Variants in CDH3 observed in about 807,000 individuals in gnomAD.
The protein encoded by CDH3 is cadherin 3, also known as cadherin-3.
Under a neutral mutation model 82.0 loss-of-function variants are expected in CDH3, and 54 were observed. The observed-to-expected ratio is 0.66, with a 90% CI of 0.53 to 0.83. The LOEUF (loss-of-function observed/expected upper bound fraction) is 0.83, where lower values mean the gene tolerates loss of function less well. CDH3 is among the 40% of genes least tolerant of loss of function. The pLI, the probability that CDH3 is intolerant of heterozygous loss-of-function variation, is 0.00. For synonymous variants in CDH3, 446 were observed against 437.9 expected (o/e 1.02, Z -0.23); for missense variants, 1,054 against 1,084.6 (o/e 0.97, Z 0.40).
At chr16:68,652,013 T>G (rs1342836056) in intron 2 of CDH3, 2 of 202,690 alleles carry the variant, frequency 9.9e-6, no homozygotes, top group Non-Finnish European at 2.1e-5. Flanking sequence ...GGGCCCTAAT[T>G]TAGTAATTTT....
At chr16:68,688,694 T>A (rs1044930383) in intron 12 of CDH3, among the ~76,000 whole-genome samples, 1 of 152,144 alleles carries the variant, frequency 6.6e-6, no homozygotes, top group Non-Finnish European at 1.5e-5. Flanking sequence ...TGGCACAATC[T>A]CAGCTCACTG....
At chr16:68,717,613 A>T (rs1008446873) in intron 1 of CDH3, among the ~76,000 whole-genome samples, 1 of 152,056 alleles carries the variant, frequency 6.6e-6, no homozygotes, top group Admixed American at 6.6e-5. Context: ...TCTCTACTAA[A>T]AGTACAAAAA....
At chr16:68,730,376 A>G (rs1962271140), downstream of CDH3, among the ~76,000 whole-genome samples, 1 of 151,736 alleles carries the variant, frequency 6.6e-6, no homozygotes, top group African/African-American at 2.4e-5. Context: ...AAACCACAAA[A>G]TTAGCTGGGT....
chr16:68,688,957 G>C (rs1326236651), intron 12 of CDH3, among the ~76,000 whole-genome samples: 1 of 152,120 alleles, frequency 6.6e-6, no homozygotes, highest in Non-Finnish European at 1.5e-5. Context: ...ACTCACCATG[G>C]TGTGGAAAAT....
intron 2 of CDH3, among the ~76,000 whole-genome samples, chr16:68,673,809 C>T (rs1008284337): frequency 6.6e-6 from 1 of 152,014 alleles, no homozygotes; most frequent in African/African-American, 2.4e-5. Context: ...CCTGTAGGCC[C>T]AGCTACTCGG....
intron 9 of CDH3, among the ~76,000 whole-genome samples, chr16:68,683,538 G>C (rs577226492): frequency 6.7e-6 from 1 of 150,342 alleles, no homozygotes; most frequent in Non-Finnish European, 1.5e-5. Context: ...TGTAGTCCCA[G>C]CTACTTGGGA....
chr16:68,663,321 C>T (rs1282539378), intron 2 of CDH3, among the ~76,000 whole-genome samples: 1 of 151,454 alleles, frequency 6.6e-6, no homozygotes, highest in Non-Finnish European at 1.5e-5. Context: ...GTCTCTGCCT[C>T]CCGGGTTCAC....
intron 1 of CDH3, among the ~76,000 whole-genome samples, chr16:68,722,249 T>A (rs1414853950): frequency 6.6e-6 from 1 of 152,180 alleles, no homozygotes; most frequent in African/African-American, 2.4e-5. Context: ...CATTTGTGCA[T>A]GCTAGGTGCC....
chr16:68,716,620 C>CAAAA (rs563385107), intron 1 of CDH3, among the ~76,000 whole-genome samples: 7 of 103,130 alleles, frequency 6.8e-5, no homozygotes, highest in African/African-American at 1.2e-4. Context: ...GACTCCGGCT[C>CAAAA]AAAAAAAAAA....
chr16:68,707,811 C>T lies in CDH3; in HGVS notation c.99+11888C>T, dbSNP rs1052776602. On this transcript the variant is annotated intron_variant, in intron 1 of 2. Transcript: ENST00000569080. This position sits in a 1 kb window ranked among gnomAD's most constrained non-coding sequence, Gnocchi z 4.5. ...GAAGCCACCCCTGCATTCCCTGTAC[C>T]CACTGCCCAGCAAGCGGCAGGGGTG... Among the ~76,000 whole-genome samples the T allele has an allele frequency of 7.9e-5, 12 of 152,038 alleles. No homozygotes were observed. Among genetic ancestry groups the T allele is most frequent in the Non-Finnish European group, 1.5e-5 (1 of 67,992 alleles).
At chr16:68,725,275 A>C (rs1017906419) in intron 2 of CDH3, among the ~76,000 whole-genome samples, 1 of 151,992 alleles carries the variant, frequency 6.6e-6, no homozygotes, top group Non-Finnish European at 1.5e-5. Context: ...TGGAATATGG[A>C]AATAATAGTT....
chr16:68,684,828 C>T lies in CDH3; in HGVS notation c.1424+4C>T, dbSNP rs1370978902. ...ACAAGGAGAATCAAAAGATCAGGTA[C>T]TCAGGAGCTGGGCTCAGTAAGCAGC... On this transcript the variant is annotated splice_donor_region_variant and intron_variant, in intron 10 of 15. Transcript: ENST00000264012. 1.9e-6 allele frequency: 3 copies of T among 1,614,132 alleles called. No individual in the cohort carries two copies. Among genetic ancestry groups the T allele is most frequent in the Admixed American group, 3.3e-5 (2 of 60,036 alleles).
intron 2 of CDH3, among the ~76,000 whole-genome samples, chr16:68,669,452 T>C (rs1960826528): frequency 6.6e-6 from 1 of 152,170 alleles, no homozygotes; most frequent in Non-Finnish European, 1.5e-5. Flanking sequence ...ACACTGTCCC[T>C]TCTACAAATA....
chr16:68,645,985 C>A, intron 2 of CDH3: 1 of 552,770 alleles, frequency 1.8e-6, no homozygotes, highest in Non-Finnish European at 3.2e-6. Flanking sequence ...CTTACCTTGA[C>A]CCCCTCCTCC....
At chr16:68,647,923 C>T (rs777548660) in intron 2 of CDH3, among the ~76,000 whole-genome samples, 4 of 152,236 alleles carry the variant, frequency 2.6e-5, no homozygotes, top group Non-Finnish European at 5.9e-5. Context: ...CCCTGTTGTT[C>T]GCCCCTGGGT....
intron 2 of CDH3, among the ~76,000 whole-genome samples, chr16:68,660,230 T>C (rs116270503): frequency 6.6e-6 from 1 of 152,362 alleles, no homozygotes; most frequent in African/African-American, 2.4e-5. Flanking sequence ...GACTCTGCTG[T>C]AAACTTAAGG....
rs773370830 is a variant in CDH3, at chr16:68,695,888, G to T, written c.2245G>T (p.Ala749Ser). Reference protein sequence around the residue: ...IPTPMYRPRPANPDEIGNFII... With the variant: ...IPTPMYRPRPSNPDEIGNFII... ...GACACCCATGTACCGTCCTCGGCCA[G>T]CCAACCCAGATGAAATCGGCAACTT... The change falls in exon 15 of 16, where the codon GCC (alanine) becomes TCC (serine). Residue 749 changes from alanine to serine, a missense_variant. Coordinates refer to ENST00000264012, the MANE Select transcript of CDH3 (RefSeq NM_001793.6). The T allele has an allele frequency of 5.6e-6, 9 of 1,614,008 alleles. No homozygotes were observed. In the Admixed American group the frequency reaches 1.3e-4, roughly 24 times the overall value.
intron 2 of CDH3, among the ~76,000 whole-genome samples, chr16:68,724,936 G>C (rs911013017): frequency 6.6e-6 from 1 of 152,110 alleles, no homozygotes; most frequent in African/African-American, 2.4e-5. Context: ...GGTTGGTTGG[G>C]GAAGGGTTTA....
chr16:68,647,245 A>G (rs1024114081), intron 2 of CDH3, among the ~76,000 whole-genome samples: 6 of 148,354 alleles, frequency 4.0e-5, no homozygotes, highest in East Asian at 4.1e-4. Flanking sequence ...ACTTCTGCCA[A>G]ATCTACGCCC....
Sources: gnomAD v4.1 joint callset for allele counts (sites outside exome capture counted in the v4.1 genomes callset) on GRCh38, gnomAD v4.1.1 for gene constraint, Gnocchi (gnomAD v3.1) non-coding constraint, MANE v1.5 for transcripts, NCBI Gene and HGNC (gene_info 2026-07-23, HGNC 2026-07-21) for gene names.